SNTB1: variants seen among roughly 807,000 people sequenced by gnomAD.
SNTB1 encodes syntrophin beta 1, also known as beta-1-syntrophin.
SNTB1 carries 36 observed loss-of-function variants against 48.9 expected under a neutral mutation model. The ratio of observed to expected loss-of-function variants is 0.74; its 90% CI spans 0.56 to 0.97. SNTB1 has a LOEUF of 0.97. Ranked by LOEUF, SNTB1 falls within the 50% of genes least tolerant of loss-of-function variation. SNTB1 has a pLI of 0.00. For synonymous variants in SNTB1, 299 were observed against 294.6 expected (o/e 1.01, Z -0.15); for missense variants, 786 against 703.4 (o/e 1.12, Z -1.33).
intron 1 of SNTB1, among the ~76,000 whole-genome samples, chr8:120,696,350 C>T (rs996901474): frequency 2.0e-4 from 30 of 152,220 alleles, no homozygotes; most frequent in Admixed American, 1.5e-3. Context: ...CCTTCCTTTA[C>T]GTAACATGCT....
At chr8:120,561,413 T>C (rs1261852194) in intron 4 of SNTB1, among the ~76,000 whole-genome samples, 1 of 151,954 alleles carries the variant, frequency 6.6e-6, no homozygotes, top group Non-Finnish European at 1.5e-5. Flanking sequence ...GGGTTTAATT[T>C]ATCCCTGTGC....
intron 1 of SNTB1, among the ~76,000 whole-genome samples, chr8:120,802,816 T>G (rs1471217471): frequency 1.3e-5 from 2 of 152,142 alleles, no homozygotes; most frequent in Non-Finnish European, 2.9e-5. Flanking sequence ...CTGTTTTACA[T>G]ACTTAGTCCC....
intron 1 of SNTB1, among the ~76,000 whole-genome samples, chr8:120,760,755 A>G (rs1490496509): frequency 6.6e-6 from 1 of 152,166 alleles, no homozygotes; most frequent in East Asian, 1.9e-4. Context: ...AGATTTTATC[A>G]GAAAGAGCCC....
At chr8:120,571,316 C>T in intron 4 of SNTB1, 1 of 1,288,312 alleles carries the variant, frequency 7.8e-7, no homozygotes, top group South Asian at 1.2e-5. Context: ...TCTTTGGTTT[C>T]TGTTGCGGGA....
chr8:120,587,871 A>G (rs1351112221), intron 3 of SNTB1, among the ~76,000 whole-genome samples: 1 of 152,168 alleles, frequency 6.6e-6, no homozygotes, highest in Non-Finnish European at 1.5e-5. Context: ...TTTTACTTTC[A>G]TTAACTCCAA....
chr8:120,572,432 T>C (rs1344197834), intron 4 of SNTB1, among the ~76,000 whole-genome samples: 1 of 152,136 alleles, frequency 6.6e-6, no homozygotes, highest in African/African-American at 2.4e-5. Context: ...GTAGAAGGAA[T>C]ACAAACAGCT....
At chr8:120,663,593 C>G (rs55761127) in intron 2 of SNTB1, among the ~76,000 whole-genome samples, 3,182 of 152,246 alleles carry the variant, frequency 0.021, 111 homozygotes, top group African/African-American at 0.072. Flanking sequence ...AGGCATGAGC[C>G]ACTGCACCCG....
At chr8:120,770,399 ATTT>A (rs111859750) in intron 1 of SNTB1, among the ~76,000 whole-genome samples, 88 of 144,298 alleles carry the variant, frequency 6.1e-4, no homozygotes, top group African/African-American at 2.2e-3. Context: ...GTAATAAAGC[ATTT>A]TTTTTTTTTT....
chr8:120,776,812 T>A (rs1819743017), intron 1 of SNTB1: 1 of 152,094 alleles, frequency 6.6e-6, no homozygotes, highest in Non-Finnish European at 1.5e-5. Flanking sequence ...CACACATGGA[T>A]GAATAAACAA....
chr8:120,664,458 T>G (rs1459490359), intron 2 of SNTB1, among the ~76,000 whole-genome samples: 1 of 152,240 alleles, frequency 6.6e-6, no homozygotes, highest in Non-Finnish European at 1.5e-5. Flanking sequence ...CCCATGACAG[T>G]CCTTTCTCCA....
intron 1 of SNTB1, chr8:120,765,889 G>A (rs755103621): frequency 1.3e-5 from 2 of 152,018 alleles, no homozygotes; most frequent in African/African-American, 4.8e-5. Context: ...AGGAGAGAAG[G>A]GGGTTGTGTC....
At chr8:120,725,505 G>A (rs1292178490) in intron 1 of SNTB1, among the ~76,000 whole-genome samples, 1 of 152,200 alleles carries the variant, frequency 6.6e-6, no homozygotes. Flanking sequence ...AGATTCAGCT[G>A]CAAATTAGCT....
intron 3 of SNTB1, among the ~76,000 whole-genome samples, chr8:120,612,407 G>C (rs12155872): frequency 0.81 from 123,153 of 152,150 alleles, 50,892 homozygotes; most frequent in Middle Eastern, 0.9. Flanking sequence ...AGCATGTGGT[G>C]TTCCACAATG....
chr8:120,563,189 T>G (rs1486385854), intron 4 of SNTB1, among the ~76,000 whole-genome samples: 1 of 152,138 alleles, frequency 6.6e-6, no homozygotes, highest in Non-Finnish European at 1.5e-5. Flanking sequence ...CCAGAAATAA[T>G]GTGACCTTAA....
chr8:120,653,782 G>A (rs532118092), intron 2 of SNTB1, among the ~76,000 whole-genome samples: 2 of 152,004 alleles, frequency 1.3e-5, no homozygotes, highest in Non-Finnish European at 1.5e-5. Flanking sequence ...GCTCACGCCT[G>A]TAATCCCAGC....
chr8:120,767,397 A>G (rs1819544913), intron 1 of SNTB1, among the ~76,000 whole-genome samples: 1 of 152,198 alleles, frequency 6.6e-6, no homozygotes. Flanking sequence ...ATTGTACAAC[A>G]GTGTATATAA....
At chr8:120,728,127 G>A (rs1253759624) in intron 1 of SNTB1, among the ~76,000 whole-genome samples, 1 of 152,098 alleles carries the variant, frequency 6.6e-6, no homozygotes, top group African/African-American at 2.4e-5. Context: ...CCAGGCTCAA[G>A]TGATTCTCCC....
At chr8:120,753,102 C>T (rs1318299510) in intron 1 of SNTB1, among the ~76,000 whole-genome samples, 1 of 151,880 alleles carries the variant, frequency 6.6e-6, no homozygotes, top group African/African-American at 2.4e-5. Flanking sequence ...TTTCAGAGGC[C>T]CTGGAGGAAC....
intron 3 of SNTB1, among the ~76,000 whole-genome samples, chr8:120,578,180 C>T (rs1815980813): frequency 6.6e-6 from 1 of 151,036 alleles, no homozygotes; most frequent in Admixed American, 6.6e-5. Flanking sequence ...ACTACAGGCG[C>T]CCGCCATCAC....
Sources: gnomAD v4.1 joint callset for allele counts (sites outside exome capture counted in the v4.1 genomes callset) on GRCh38, gnomAD v4.1.1 for gene constraint, MANE v1.5 for transcripts, NCBI Gene and HGNC (gene_info 2026-07-23, HGNC 2026-07-21) for gene names.